ZKSCAN3: variants seen among roughly 807,000 people sequenced by gnomAD.
ZKSCAN3 encodes the protein zinc finger with KRAB and SCAN domains 3.
In ZKSCAN3, 21 loss-of-function variants were observed where a neutral mutation model predicts 30.7. The ratio of observed to expected loss-of-function variants is 0.68; its 90% CI spans 0.49 to 0.99. The LOEUF (loss-of-function observed/expected upper bound fraction) is 0.99, where lower values mean the gene tolerates loss of function less well. Among genes scored for constraint, ZKSCAN3 ranks in the 50% least tolerant of loss-of-function variants. The pLI, the probability that ZKSCAN3 is intolerant of heterozygous loss-of-function variation, is 0.00. For missense variants in ZKSCAN3, 507 were observed against 647.1 expected, an observed-to-expected ratio of 0.78 and a Z score of 2.35; for synonymous variants, 201 against 246.7, an observed-to-expected ratio of 0.81 and a Z score of 1.73.
intron 1 of ZKSCAN3, chr6:28,354,342 C>T (rs774765303): frequency 4.2e-5 from 9 of 216,150 alleles, no homozygotes; most frequent in Non-Finnish European, 7.7e-5. Context: ...GTCACGCTGG[C>T]CTGCATATCT....
Position 28,367,146 on chromosome 6 carries a change from A to G in ZKSCAN3, c.*861A>G, listed in dbSNP as rs7744993. ...TTAGCCAGGATGGTCTCGATCTCCTAACCTCATGATCCTCCTGCCTCAGCC... is the reference window on the plus strand; with the variant it reads ...TTAGCCAGGATGGTCTCGATCTCCTGACCTCATGATCCTCCTGCCTCAGCC... On this transcript the variant is annotated 3_prime_UTR_variant, in exon 6 of 6. Transcript: ENST00000252211. The G allele has an allele frequency of 0.99, 151,003 of 152,020 alleles. 74,996 individuals carry two copies. The highest frequency in any genetic ancestry group is 1 in the Middle Eastern group (294 of 294). 9.4% of individuals were successfully genotyped at this position (152,020 alleles called of 1,614,324 possible).
chr6:28,360,829 A>T (rs1765727067), intron 2 of ZKSCAN3: 1 of 894,334 alleles, frequency 1.1e-6, no homozygotes. Flanking sequence ...TGAAAACTGT[A>T]ATTTTATAAT....
Position 28,363,706 on chromosome 6 carries a change from G to A in ZKSCAN3, c.648G>A (p.Val216=), listed in dbSNP as rs1309527986. The A allele has an allele frequency of 6.2e-7, 1 of 1,613,974 alleles. No individual in the cohort carries two copies. Among genetic ancestry groups the A allele is most frequent in the Non-Finnish European group, 8.5e-7 (1 of 1,179,994 alleles). Residue 216 remains valine, a synonymous_variant, in exon 5 of 6, where the codon GTG becomes GTA. Transcript: ENST00000252211. ...TATTGTTTTAGGGGTTGTTGAAAGT[G>A]GAAGATGTGGCCCTGACCCTCACCC... ...LTPESQGLLK[V]EDVALTLTPE... is the part of the protein sequence containing the mutation.
At position 28,365,690 on chromosome 6, in the gene ZKSCAN3, C is replaced by T. The variant is rs773019163; in HGVS notation, c.1022C>T (p.Pro341Leu). 2 of 1,614,016 alleles carry T rather than the reference C, an allele frequency of 1.2e-6. No individual in the cohort carries two copies. The highest frequency in any genetic ancestry group is 2.7e-5 in the African/African-American group (2 of 74,948). The change falls in exon 6 of 6, where the codon CCC becomes CTC. Residue 341 changes from proline (P) to leucine (L), a missense_variant. Pro to Leu is a moderately conservative substitution (Grantham distance 98). Coordinates refer to ENST00000252211, the MANE Select transcript of ZKSCAN3 (RefSeq NM_024493.4). ...KHRRIHTGEK[P>L]YECEECGKAF... is the part of the protein sequence containing the mutation. ...AGGAGAATCCACACTGGTGAGAAAC[C>T]CTACGAATGTGAAGAGTGTGGCAAA...
At position 28,365,617 on chromosome 6, in the gene ZKSCAN3, C is replaced by T. The variant is rs752777641; in HGVS notation, c.949C>T (p.His317Tyr). ...CACAGGAGGGAGGCGGCACATCTGC[C>T]ATGAATGTGGAAAGAGTTTTGCTCA... ...NATGGRRHIC[H>Y]ECGKSFAQSS... Residue 317 changes from histidine to tyrosine, a missense_variant, in exon 6 of 6, where the codon CAT becomes TAT. Transcript: ENST00000252211. 2 of 1,614,118 alleles carry T rather than the reference C, an allele frequency of 1.2e-6. No individual in the cohort carries two copies. Among genetic ancestry groups the T allele is most frequent in the South Asian group, 2.2e-5 (2 of 91,092 alleles).
At position 28,367,564 on chromosome 6, in the gene ZKSCAN3, C is replaced by T. The variant is rs138920813; in HGVS notation, c.*1279C>T. On this transcript the variant is annotated 3_prime_UTR_variant, in exon 6 of 6. Coordinates refer to ENST00000252211, the MANE Select transcript of ZKSCAN3 (RefSeq NM_024493.4). ...GAATAAAATGATGAATATTCTAATG[C>T]TCAGTATCTTAGTTCTCTCGGGCCT... 1 of 152,222 alleles carries T rather than the reference C, an allele frequency of 6.6e-6. No homozygotes were observed. Among genetic ancestry groups the T allele is most frequent in the Non-Finnish European group, 1.5e-5 (1 of 68,006 alleles). The allele number at this position is 152,222 out of a possible 1,614,324, so 9.4% of individuals were successfully genotyped here.
At chr6:28,353,860 AC>A in intron 1 of ZKSCAN3, 1 of 457,072 alleles carries the variant, frequency 2.2e-6, no homozygotes, top group Non-Finnish European at 4.4e-6. Context: ...TATGGTACTT[AC>A]CACTGTCATG....
At chr6:28,354,412 G>T (rs140411028) in intron 1 of ZKSCAN3, among the ~76,000 whole-genome samples, 1 of 152,166 alleles carries the variant, frequency 6.6e-6, no homozygotes, top group Non-Finnish European at 1.5e-5. Flanking sequence ...CCCCTTGGCC[G>T]AGGGAGACAT....
intron 5 of ZKSCAN3, among the ~76,000 whole-genome samples, chr6:28,364,312 C>T (rs777516525): frequency 1.3e-5 from 2 of 152,142 alleles, no homozygotes; most frequent in African/African-American, 2.4e-5. Flanking sequence ...GCTTTCTCCT[C>T]TCCGTGCCAG....
At chr6:28,352,972 T>C (rs1765155692) in intron 1 of ZKSCAN3, among the ~76,000 whole-genome samples, 1 of 149,586 alleles carries the variant, frequency 6.7e-6, no homozygotes, top group Admixed American at 6.6e-5. Context: ...TTCTTTTTTT[T>C]TTTTTTTTTG....
At chr6:28,353,739 T>C (rs1658930909) in intron 1 of ZKSCAN3, 14 of 437,772 alleles carry the variant, frequency 3.2e-5, no homozygotes, top group South Asian at 2.3e-4. Context: ...TTAAAGATAG[T>C]TCTGGGGAAG....
In ZKSCAN3 at chr6:28,365,685, G is replaced by A; in HGVS notation, c.1017G>A (p.Glu339=). 1 of 1,614,146 alleles carries A rather than the reference G, an allele frequency of 6.2e-7. No homozygotes were observed. Residue 339 remains glutamate, a synonymous_variant, in exon 6 of 6, where the codon GAG becomes GAA. Transcript: ENST00000252211. ...AACACAGGAGAATCCACACTGGTGA[G>A]AAACCCTACGAATGTGAAGAGTGTG... ...LSKHRRIHTG[E]KPYECEECGK...
chr6:28,363,252 G>A, intron 3 of ZKSCAN3, 51 bp from the exon 4 acceptor site: 1 of 1,503,530 alleles, frequency 6.7e-7, no homozygotes, highest in South Asian at 1.1e-5. Flanking sequence ...GCACAGGGCA[G>A]GGAGGCTGAA....
At chr6:28,365,366 T>A in intron 5 of ZKSCAN3, 60 bp from the exon 6 acceptor site, 1 of 1,553,108 alleles carries the variant, frequency 6.4e-7, no homozygotes. Flanking sequence ...TCCCTGGTAC[T>A]CATCACAGAG....
intron 4 of ZKSCAN3, 118 bp downstream of exon 4, chr6:28,363,503 A>C: frequency 7.9e-7 from 1 of 1,261,028 alleles, no homozygotes; most frequent in Non-Finnish European, 1.1e-6. Context: ...CAGATCTCAA[A>C]TGGGATCTGC....
Position 28,351,770 on chromosome 6 carries a change from T to C in ZKSCAN3, c.-63+1703T>C, listed in dbSNP as rs1261673209. Among the ~76,000 whole-genome samples the C allele has an allele frequency of 1.3e-5, 2 of 151,960 alleles. No individual in the cohort carries two copies. Among genetic ancestry groups the C allele is most frequent in the Non-Finnish European group, 2.9e-5 (2 of 68,016 alleles). On this transcript the variant is annotated intron_variant, in intron 1 of 5. Coordinates refer to ENST00000252211, the MANE Select transcript of ZKSCAN3 (RefSeq NM_024493.4). This position sits in a 1 kb window ranked among gnomAD's most constrained non-coding sequence, Gnocchi z 4.6. ...TCTTTATCTCTTTTTTTTCCTCATT[T>C]CGTCCCTCTCTTCTCTTTCATTTTA...
At chr6:28,352,125 G>A (rs1005822750) in intron 1 of ZKSCAN3, among the ~76,000 whole-genome samples, 2 of 151,984 alleles carry the variant, frequency 1.3e-5, no homozygotes, top group African/African-American at 4.8e-5. Context: ...TGGTAAAAAT[G>A]CCATTTATTT....
chr6:28,360,252 C>CT (rs572351789), intron 2 of ZKSCAN3: 35 of 585,094 alleles, frequency 6.0e-5, no homozygotes, highest in African/African-American at 3.4e-4. Context: ...TAAAGTCATA[C>CT]TTTTTTTTAT....
In ZKSCAN3 at chr6:28,363,354, T is replaced by C. The variant is rs1472994657; in HGVS notation, c.602T>C (p.Val201Ala). The C allele has an allele frequency of 1.2e-6, 2 of 1,614,030 alleles. No individual in the cohort carries two copies. The highest frequency in any genetic ancestry group is 3.3e-5 in the Admixed American group (2 of 60,004). ...GGAGGATGCTGCAGAGAAGATAAAGTGGTAGCTTCTAGGCTTACTCCAGAG... is the reference window on the plus strand; with the variant it reads ...GGAGGATGCTGCAGAGAAGATAAAGCGGTAGCTTCTAGGCTTACTCCAGAG... ...AHGGCCREDK[V>A]VASRLTPESQ... Residue 201 changes from valine (V) to alanine (A), a missense_variant, in exon 4 of 6, where the codon GTG becomes GCG. Coordinates refer to ENST00000252211, the MANE Select transcript of ZKSCAN3 (RefSeq NM_024493.4).
Sources: gnomAD v4.1 joint callset for allele counts (sites outside exome capture counted in the v4.1 genomes callset) on GRCh38, gnomAD v4.1.1 for gene constraint, Gnocchi (gnomAD v3.1) non-coding constraint, MANE v1.5 for transcripts, NCBI Gene and HGNC (gene_info 2026-07-23, HGNC 2026-07-21) for gene names.